Variants in DYNC1LI2 observed in about 807,000 individuals in gnomAD.
DYNC1LI2 encodes the protein cytoplasmic dynein 1 light intermediate chain 2.
Under a neutral mutation model 57.8 loss-of-function variants are expected in DYNC1LI2, and 19 were observed. That is an observed-to-expected ratio of 0.33 (90% confidence interval 0.23 to 0.48). DYNC1LI2 has a LOEUF of 0.48. DYNC1LI2 is among the 20% of genes least tolerant of loss of function. DYNC1LI2 has a pLI of 0.99. For missense variants in DYNC1LI2, 470 were observed against 604.2 expected, an observed-to-expected ratio of 0.78 and a Z score of 2.33; for synonymous variants, 256 against 233.4, an observed-to-expected ratio of 1.10 and a Z score of -0.88.
chr16:66,729,405 G>A (rs1027913042), intron 8 of DYNC1LI2, among the ~76,000 whole-genome samples: 1 of 151,984 alleles, frequency 6.6e-6, no homozygotes, highest in Admixed American at 6.6e-5. Context: ...GACTTAATGG[G>A]AAACACCACC....
At chr16:66,734,487 GCCT>G (rs1411924361) in intron 5 of DYNC1LI2, among the ~76,000 whole-genome samples, 176 bp from the exon 6 acceptor site, 1 of 151,756 alleles carries the variant, frequency 6.6e-6, no homozygotes, top group Non-Finnish European at 1.5e-5. Flanking sequence ...TTCATCTTGG[GCCT>G]CGTTTTTTTT....
At chr16:66,745,919 AT>A (rs1183930222) in intron 3 of DYNC1LI2, among the ~76,000 whole-genome samples, 4 of 152,072 alleles carry the variant, frequency 2.6e-5, no homozygotes, top group African/African-American at 4.8e-5. Context: ...AAGAAAAAAA[AT>A]AAAACAAAAC....
chr16:66,748,099 C>T (rs2017970688), intron 3 of DYNC1LI2, among the ~76,000 whole-genome samples: 1 of 151,718 alleles, frequency 6.6e-6, no homozygotes, highest in South Asian at 2.1e-4. Context: ...CCAACCTGAG[C>T]AACATAGTGA....
chr16:66,734,180 G>A, intron 6 of DYNC1LI2, 38 bp downstream of exon 6: 3 of 1,601,342 alleles, frequency 1.9e-6, no homozygotes, highest in Non-Finnish European at 2.6e-6. Context: ...TTGGAAGAAA[G>A]CCTGTGACCC....
At chr16:66,735,732 TAC>T (rs1275386424) in intron 5 of DYNC1LI2, among the ~76,000 whole-genome samples, 1 of 151,552 alleles carries the variant, frequency 6.6e-6, no homozygotes, top group African/African-American at 2.4e-5. Flanking sequence ...GGTCTCCATC[TAC>T]TGACCTCATG....
intron 8 of DYNC1LI2, among the ~76,000 whole-genome samples, chr16:66,729,373 G>A (rs1396029288): frequency 6.6e-6 from 1 of 152,098 alleles, no homozygotes; most frequent in African/African-American, 2.4e-5. Context: ...CAGTAATCCA[G>A]AGGCAACGGC....
rs2017488246 is a variant in DYNC1LI2 at position 66,723,702 on chromosome 16, T to C, written c.*20A>G. 6.3e-7 allele frequency: 1 copy of C among 1,591,610 alleles called. No individual in the cohort carries two copies. Among genetic ancestry groups the C allele is most frequent in the African/African-American group, 1.4e-5 (1 of 73,116 alleles). On this transcript the variant is annotated 3_prime_UTR_variant, in exon 13 of 13. Coordinates refer to ENST00000258198, the MANE Select transcript of DYNC1LI2 (RefSeq NM_006141.3). ...TACATAGTTATTTGGTCATTCGACA[T>C]ATGCACTTTTTAAGGAGGTTCAGGC...
chr16:66,720,929 T>G lies in DYNC1LI2; in HGVS notation c.*2793A>C, dbSNP rs572861218. The G allele has an allele frequency of 6.5e-6, 1 of 152,726 alleles. No individual in the cohort carries two copies. Among genetic ancestry groups the G allele is most frequent in the African/African-American group, 2.4e-5 (1 of 41,554 alleles). The allele number at this position is 152,726 out of a possible 1,614,324, so 9.5% of individuals were successfully genotyped here. A position where few individuals can be genotyped will look rare whatever the true frequency, so the allele number is the denominator to read the frequency against. ...CTGGATTCGTGTTTATTGAAGCCAG[T>G]AATTAGAGACATCTTTTTTTCCCAG... On this transcript the variant is annotated 3_prime_UTR_variant, in exon 13 of 13. Transcript: ENST00000258198.
chr16:66,741,685 T>C (rs2017839797), intron 4 of DYNC1LI2, among the ~76,000 whole-genome samples: 1 of 152,044 alleles, frequency 6.6e-6, no homozygotes, highest in Admixed American at 6.6e-5. Flanking sequence ...CGGCTGCTGC[T>C]GCTGCCATGG....
chr16:66,732,458 A>T lies in DYNC1LI2; in HGVS notation c.810T>A (p.Ile270=). 6.2e-7 allele frequency: 1 copy of T among 1,612,328 alleles called. No homozygotes were observed. Among genetic ancestry groups the T allele is most frequent in the Non-Finnish European group, 8.5e-7 (1 of 1,179,814 alleles). ...RFCLQYGAAL[I]YTSVKEEKNL... is the part of the protein sequence containing the mutation. ...TTTTCTCTTCTTTCACTGATGTGTA[A>T]ATCAAGGCAGCTCCATCTAATCAAT... The change falls in exon 7 of 13, where the codon ATT becomes ATA. Residue 270 remains isoleucine, a synonymous_variant. Coordinates refer to ENST00000258198, the MANE Select transcript of DYNC1LI2 (RefSeq NM_006141.3).
Position 66,751,271 on chromosome 16 carries a change from A to G in DYNC1LI2, c.181+2T>C. The stretch of plus-strand genomic sequence containing the variant: ...GGGCAACGCCCCGCCGCCGGCGCTC[A>G]CCGAAGACCAGGATGTTCTTGCCGG... On this transcript the variant is annotated splice_donor_variant, in intron 2 of 12. Coordinates refer to ENST00000258198, the MANE Select transcript of DYNC1LI2 (RefSeq NM_006141.3). LOFTEE classifies it high-confidence loss of function. This position sits in a 1 kb window ranked among gnomAD's most constrained non-coding sequence, Gnocchi z 5.2. 6.2e-7 allele frequency: 1 copy of G among 1,610,740 alleles called. No individual in the cohort carries two copies. Among genetic ancestry groups the G allele is most frequent in the Non-Finnish European group, 8.5e-7 (1 of 1,178,626 alleles).
intron 12 of DYNC1LI2, 33 bp from the exon 13 acceptor site, chr16:66,723,855 A>C (rs757324289): frequency 6.4e-7 from 1 of 1,559,324 alleles, no homozygotes; most frequent in Non-Finnish European, 8.6e-7. Flanking sequence ...AAGCAAAGTA[A>C]TGATGTGAGA....
intron 7 of DYNC1LI2, 82 bp from the exon 8 acceptor site, chr16:66,730,305 G>A (rs1596987957): frequency 1.7e-6 from 2 of 1,185,946 alleles, no homozygotes; most frequent in Admixed American, 2.5e-5. Context: ...GGACTCCTGG[G>A]TAGGACACTT....
chr16:66,730,148 T>C lies in DYNC1LI2; in HGVS notation c.1005A>G (p.Ala335=). The C allele has an allele frequency of 1.9e-6, 3 of 1,614,136 alleles. No individual in the cohort carries two copies. Among genetic ancestry groups the C allele is most frequent in the Non-Finnish European group, 2.5e-6 (3 of 1,180,026 alleles). ...GAGGTTTCACAATAAAGTCTTCATATGCATCTTCCGGCTTCACGGTTGTAA... is the reference window on the plus strand; with the variant it reads ...GAGGTTTCACAATAAAGTCTTCATACGCATCTTCCGGCTTCACGGTTGTAA... ...ENFTTVKPED[A]YEDFIVKPPV... The change falls in exon 8 of 13, where the codon GCA becomes GCG. Residue 335 remains alanine, a synonymous_variant. Transcript: ENST00000258198.
In DYNC1LI2 at chr16:66,751,035, T is replaced by C. The variant is rs1007204201; in HGVS notation, c.181+238A>G. ...GGCAATGAAGGCATAGAGGGCCAAGTGACTGAAACAATATGCCGACAACCC... is the reference window on the plus strand; with the variant it reads ...GGCAATGAAGGCATAGAGGGCCAAGCGACTGAAACAATATGCCGACAACCC... On this transcript the variant is annotated intron_variant, in intron 2 of 12. Transcript: ENST00000258198. The surrounding 1 kb of genome is among the most constrained non-coding windows in gnomAD (Gnocchi z 5.2). Among the ~76,000 whole-genome samples, 1 of 152,080 alleles carries C rather than the reference T, an allele frequency of 6.6e-6. No homozygotes were observed. The highest frequency in any genetic ancestry group is 1.5e-5 in the Non-Finnish European group (1 of 68,010).
intron 8 of DYNC1LI2, among the ~76,000 whole-genome samples, chr16:66,729,417 A>G (rs1354115564): frequency 6.6e-6 from 1 of 151,546 alleles, no homozygotes; most frequent in Non-Finnish European, 1.5e-5. Flanking sequence ...AACACCACCA[A>G]CTCCAGGTGA....
Position 66,751,242 on chromosome 16 carries a change from C to G in DYNC1LI2, c.181+31G>C. 6.2e-7 allele frequency: 1 copy of G among 1,606,316 alleles called. No homozygotes were observed. Among genetic ancestry groups the G allele is most frequent in the Non-Finnish European group, 8.5e-7 (1 of 1,176,950 alleles). On this transcript the variant is annotated intron_variant, in intron 2 of 12. Coordinates refer to ENST00000258198, the MANE Select transcript of DYNC1LI2 (RefSeq NM_006141.3). The surrounding 1 kb of genome is among the most constrained non-coding windows in gnomAD (Gnocchi z 5.2). ...GCGCCCGCCTCGCCCACCCCAGCGA[C>G]CTGGGGCAACGCCCCGCCGCCGGCG...
chr16:66,734,808 C>G (rs1312283618), intron 5 of DYNC1LI2, among the ~76,000 whole-genome samples: 4 of 151,580 alleles, frequency 2.6e-5, no homozygotes, highest in Non-Finnish European at 5.9e-5. Flanking sequence ...ACCAGCCTGA[C>G]CAACATGGAG....
In DYNC1LI2 at chr16:66,736,202, C is replaced by T. The variant is rs1229155299; in HGVS notation, c.572G>A (p.Cys191Tyr). The T allele has an allele frequency of 7.4e-6, 12 of 1,614,106 alleles. No homozygotes were observed. Among genetic ancestry groups the T allele is most frequent in the Non-Finnish European group, 9.3e-6 (11 of 1,180,034 alleles). The change falls in exon 5 of 13, where the codon TGT becomes TAT. Residue 191 changes from cysteine to tyrosine, a missense_variant. Coordinates refer to ENST00000258198, the MANE Select transcript of DYNC1LI2 (RefSeq NM_006141.3). ...GCCTCTTCTCTGTGGGGAACCTTGA[C>T]AACCTTCTTCAGGTTCCATATAGTC... The part of the protein sequence containing the change: ...FQDYMEPEEG[C>Y]QGSPQRRGPL...
Sources: allele counts gnomAD v4.1 joint callset (sites outside exome capture counted in the v4.1 genomes callset), GRCh38; gene constraint gnomAD v4.1.1; non-coding constraint Gnocchi (gnomAD v3.1); transcripts MANE v1.5; gene names NCBI Gene and HGNC (gene_info 2026-07-23, HGNC 2026-07-21).